The following DCAF8 variants were observed in gnomAD, a reference collection of about 807,000 sequenced individuals.
The protein encoded by DCAF8 is DDB1 and CUL4 associated factor 8, also known as DDB1- and CUL4-associated factor 8.
In DCAF8, 20 loss-of-function variants were observed where a neutral mutation model predicts 68.0. The observed-to-expected ratio is 0.29, with a 90% confidence interval of 0.21 to 0.43. The LOEUF is 0.43. Ranked by LOEUF, DCAF8 falls within the 20% of genes least tolerant of loss-of-function variation. The probability of loss-of-function intolerance (pLI) is 1.00; values close to 1 mark genes in which losing one functional copy is unlikely to be tolerated. For synonymous variants in DCAF8, 230 were observed against 276.9 expected (o/e 0.83, Z 1.68); for missense variants, 460 against 771.0 (o/e 0.60, Z 4.78).
intron 1 of DCAF8, chr1:160,262,085 G>A (rs541496686): frequency 3.2e-4 from 114 of 361,466 alleles, no homozygotes; most frequent in African/African-American, 2.1e-3. Context: ...TGAACTGTGC[G>A]GCTGGCTCTT....
At chr1:160,239,413 G>C (rs752392753) in intron 4 of DCAF8, 48 of 1,417,966 alleles carry the variant, frequency 3.4e-5, no homozygotes, top group Non-Finnish European at 4.0e-5. Context: ...CAGGCAGTTT[G>C]GTTCAAGAGC....
At chr1:160,245,862 A>G (rs1346636365) in intron 2 of DCAF8, among the ~76,000 whole-genome samples, 1 of 152,108 alleles carries the variant, frequency 6.6e-6, no homozygotes, top group East Asian at 1.9e-4. Flanking sequence ...AGTGGGGAAA[A>G]TGTACTACTT....
At chr1:160,241,592 A>G (rs999928751) in intron 3 of DCAF8, among the ~76,000 whole-genome samples, 7 of 152,220 alleles carry the variant, frequency 4.6e-5, no homozygotes, top group Non-Finnish European at 1.0e-4. Context: ...GGAATGTTCT[A>G]AAGCCAATAC....
intron 2 of DCAF8, among the ~76,000 whole-genome samples, chr1:160,250,435 C>G (rs1433702633): frequency 5.5e-5 from 7 of 128,226 alleles, no homozygotes; most frequent in Non-Finnish European, 1.1e-4. Context: ...CATTGCACTC[C>G]AGCCTGGGCA....
chr1:160,240,486 G>A, intron 3 of DCAF8, 116 bp from the exon 4 acceptor site: 1 of 959,136 alleles, frequency 1.0e-6, no homozygotes, highest in South Asian at 1.7e-5. Flanking sequence ...TTTGGTCCAA[G>A]TGTTTTCATT....
At chr1:160,237,283 A>C in intron 5 of DCAF8, 54 bp from the exon 6 acceptor site, 3 of 1,232,850 alleles carry the variant, frequency 2.4e-6, no homozygotes, top group Non-Finnish European at 3.5e-6. Flanking sequence ...ATTAGAGGTC[A>C]TCTAGTTCAT....
intron 5 of DCAF8, among the ~76,000 whole-genome samples, chr1:160,238,154 C>G (rs1655959557): frequency 6.6e-6 from 1 of 152,158 alleles, no homozygotes; most frequent in African/African-American, 2.4e-5. Context: ...TAGCTGCCAC[C>G]ATGGATTATT....
rs777246803 is a variant in DCAF8, at chr1:160,244,030, C to A, written c.-22G>T. The A allele has an allele frequency of 6.2e-7, 1 of 1,613,898 alleles. No individual in the cohort carries two copies. The highest frequency in any genetic ancestry group is 8.5e-7 in the Non-Finnish European group (1 of 1,179,960). On this transcript the variant is annotated 5_prime_UTR_variant, in exon 3 of 14. Coordinates refer to ENST00000368074, the MANE Select transcript of DCAF8 (RefSeq NM_015726.4). ...ACATCTTGAATGATGTTTGCTGTAG[C>A]CAGCCTGGGTTTGGGAGAGGAAGAA...
intron 11 of DCAF8, among the ~76,000 whole-genome samples, chr1:160,222,083 T>C (rs1309405710): frequency 6.6e-6 from 1 of 152,236 alleles, no homozygotes; most frequent in Non-Finnish European, 1.5e-5. Flanking sequence ...AATGTACGCA[T>C]GACATTTCAC....
At chr1:160,235,346 C>G (rs538815868) in intron 6 of DCAF8, among the ~76,000 whole-genome samples, 3 of 152,052 alleles carry the variant, frequency 2.0e-5, no homozygotes, top group East Asian at 1.9e-4. Context: ...GTTAGCCAGG[C>G]TGGTCTCGAA....
intron 7 of DCAF8, among the ~76,000 whole-genome samples, chr1:160,226,314 C>T (rs931951842): frequency 6.6e-6 from 1 of 152,136 alleles, no homozygotes; most frequent in Non-Finnish European, 1.5e-5. Context: ...TGTTCTCCCT[C>T]TCATACCCCA....
chr1:160,261,755 G>A (rs767778175), intron 1 of DCAF8: 1 of 152,240 alleles, frequency 6.6e-6, no homozygotes, highest in African/African-American at 2.4e-5. Flanking sequence ...AGAAATTCAA[G>A]CCACCAGATG....
chr1:160,230,522 A>G (rs1018553165), intron 7 of DCAF8, among the ~76,000 whole-genome samples: 5 of 152,200 alleles, frequency 3.3e-5, no homozygotes, highest in African/African-American at 1.2e-4. Context: ...AGATATCACT[A>G]TGGATAAAAA....
chr1:160,225,471 A>T, intron 8 of DCAF8, 120 bp downstream of exon 8: 1 of 755,996 alleles, frequency 1.3e-6, no homozygotes, highest in Non-Finnish European at 2.2e-6. Context: ...TAAAGCCAGG[A>T]TTCAAATCCA....
chr1:160,234,304 T>A (rs957114708), intron 6 of DCAF8, among the ~76,000 whole-genome samples: 1 of 151,502 alleles, frequency 6.6e-6, no homozygotes, highest in Non-Finnish European at 1.5e-5. Context: ...CATGCCAGCC[T>A]GTAACACTAC....
At chr1:160,251,723 CT>C (rs1349968863) in intron 2 of DCAF8, among the ~76,000 whole-genome samples, 1 of 152,166 alleles carries the variant, frequency 6.6e-6, no homozygotes, top group African/African-American at 2.4e-5. Flanking sequence ...CTTCCTTGGC[CT>C]CCCAAAATGC....
chr1:160,240,676 C>T (rs574321592), intron 3 of DCAF8, among the ~76,000 whole-genome samples: 96 of 152,278 alleles, frequency 6.3e-4, no homozygotes, highest in Middle Eastern at 3.4e-3. Context: ...TAAAAGTGTG[C>T]CTGATACATC....
intron 2 of DCAF8, among the ~76,000 whole-genome samples, chr1:160,258,209 C>T (rs1333612641): frequency 2.0e-5 from 3 of 151,968 alleles, no homozygotes; most frequent in East Asian, 1.9e-4. Flanking sequence ...TAGCCAGGTA[C>T]GGTGGCGTGC....
At chr1:160,243,428 A>AAG (rs1656199476) in intron 3 of DCAF8, among the ~76,000 whole-genome samples, 1 of 150,924 alleles carries the variant, frequency 6.6e-6, no homozygotes, top group Non-Finnish European at 1.5e-5. Flanking sequence ...TTTTTTTAAA[A>AAG]AGACGGGGTC....
Sources: allele counts gnomAD v4.1 joint callset (sites outside exome capture counted in the v4.1 genomes callset), GRCh38; gene constraint gnomAD v4.1.1; transcripts MANE v1.5; gene names NCBI Gene and HGNC (gene_info 2026-07-23, HGNC 2026-07-21).